Variants in ADAMTS3 observed in about 807,000 individuals in gnomAD.
ADAMTS3 encodes ADAM metallopeptidase with thrombospondin type 1 motif 3.
In ADAMTS3, 73 loss-of-function variants were observed where a neutral mutation model predicts 129.0. That is an observed-to-expected ratio of 0.57 (90% CI 0.47 to 0.69). ADAMTS3 has a LOEUF of 0.69. Ranked by LOEUF, ADAMTS3 falls within the 30% of genes least tolerant of loss-of-function variation. The probability of loss-of-function intolerance (pLI) is 0.00; values close to 1 mark genes in which losing one functional copy is unlikely to be tolerated. For synonymous variants in ADAMTS3, 477 were observed against 510.8 expected (o/e 0.93, Z 0.89); for missense variants, 1,457 against 1,514.5 (o/e 0.96, Z 0.63).
At chr4:72,462,949 G>A (rs1035547397) in intron 3 of ADAMTS3, among the ~76,000 whole-genome samples, 11 of 152,062 alleles carry the variant, frequency 7.2e-5, no homozygotes, top group Admixed American at 2.6e-4. Flanking sequence ...GGAGTGTACA[G>A]TAATGTTTTA....
intron 4 of ADAMTS3, among the ~76,000 whole-genome samples, chr4:72,391,212 T>C (rs2109893230): frequency 6.6e-6 from 1 of 152,362 alleles, no homozygotes; most frequent in Non-Finnish European, 1.5e-5. Context: ...CATCTTTTTG[T>C]GTAATTTGTG....
chr4:72,537,315 T>C (rs1040127812), intron 3 of ADAMTS3, among the ~76,000 whole-genome samples: 1 of 152,112 alleles, frequency 6.6e-6, no homozygotes, highest in African/African-American at 2.4e-5. Flanking sequence ...AGACAAAGAG[T>C]GATAGCCTTT....
intron 3 of ADAMTS3, among the ~76,000 whole-genome samples, chr4:72,505,338 G>T (rs1473551481): frequency 6.6e-6 from 1 of 152,060 alleles, no homozygotes; most frequent in East Asian, 1.9e-4. Context: ...TTTTGTCTTT[G>T]ACCCTATAGC....
chr4:72,512,715 G>T lies in ADAMTS3; in HGVS notation c.504+35763C>A, dbSNP rs151035668. Among the ~76,000 whole-genome samples the T allele has an allele frequency of 7.3e-4, 111 of 152,028 alleles. 1 individual carries two copies. In the East Asian group the frequency reaches 0.016, roughly 22 times the overall value. ...TGTATCAAAACATCTCATGCCCCCCGTAAATATATACACCTACTATGTACC... is the reference window on the plus strand; with the variant it reads ...TGTATCAAAACATCTCATGCCCCCCTTAAATATATACACCTACTATGTACC... On this transcript the variant is annotated intron_variant, in intron 3 of 21. Transcript: ENST00000286657.
At chr4:72,308,205 T>A (rs2109793028) in intron 15 of ADAMTS3, among the ~76,000 whole-genome samples, 1 of 152,108 alleles carries the variant, frequency 6.6e-6, no homozygotes, top group Non-Finnish European at 1.5e-5. Flanking sequence ...TTTGCTTTAA[T>A]AATGCAATCA....
chr4:72,530,608 ATATTATATAATATATAT>A (rs1276713489), intron 3 of ADAMTS3, among the ~76,000 whole-genome samples: 9 of 87,972 alleles, frequency 1.0e-4, no homozygotes, highest in African/African-American at 3.3e-4. Context: ...ATTAAAATAT[ATATTATATAATATATAT>A]TATTATATAA....
At chr4:72,410,162 T>G (rs547080315) in intron 4 of ADAMTS3, among the ~76,000 whole-genome samples, 1 of 152,226 alleles carries the variant, frequency 6.6e-6, no homozygotes, top group East Asian at 1.9e-4. Flanking sequence ...TATACTGACA[T>G]GTCTACAGAT....
chr4:72,514,974 A>T (rs565657733), intron 3 of ADAMTS3, among the ~76,000 whole-genome samples: 1 of 152,138 alleles, frequency 6.6e-6, no homozygotes, highest in Admixed American at 6.5e-5. Flanking sequence ...TCCTAATACT[A>T]TCCCTCCCCG....
chr4:72,344,171 G>C (rs1464197674), intron 4 of ADAMTS3, among the ~76,000 whole-genome samples: 1 of 152,060 alleles, frequency 6.6e-6, no homozygotes, highest in Non-Finnish European at 1.5e-5. Flanking sequence ...TATCAAATCA[G>C]AATTTTGAAC....
chr4:72,531,088 G>C (rs1721030213), intron 3 of ADAMTS3, among the ~76,000 whole-genome samples: 1 of 151,690 alleles, frequency 6.6e-6, no homozygotes, highest in African/African-American at 2.4e-5. Context: ...GAAAACACCA[G>C]TCAGGAGGTC....
rs530090293 is a variant in ADAMTS3 at position 72,462,699 on chromosome 4, A to C, written c.505-47728T>G. 2.2e-4 allele frequency among the ~76,000 whole-genome samples: 34 copies of C among 152,104 alleles called. No homozygotes were observed. The South Asian group carries it at 5.2e-3, about 23-fold the overall frequency. ...ATGTTCGTGTTTTAGTTTTTAATGAAATAGTTTAAACATGTTTTAAATTTA... is the reference window on the plus strand; with the variant it reads ...ATGTTCGTGTTTTAGTTTTTAATGACATAGTTTAAACATGTTTTAAATTTA... On this transcript the variant is annotated intron_variant, in intron 3 of 21. Transcript: ENST00000286657.
At chr4:72,534,633 C>G (rs1028657049) in intron 3 of ADAMTS3, among the ~76,000 whole-genome samples, 7 of 152,122 alleles carry the variant, frequency 4.6e-5, no homozygotes, top group Non-Finnish European at 1.0e-4. Context: ...GATCACTATA[C>G]AGTTTGGTTT....
At chr4:72,480,528 C>T (rs1037012437) in intron 3 of ADAMTS3, among the ~76,000 whole-genome samples, 3 of 151,626 alleles carry the variant, frequency 2.0e-5, no homozygotes, top group African/African-American at 7.3e-5. Flanking sequence ...GGGAACATAA[C>T]ACTCTGGGGA....
At chr4:72,349,389 TG>T (rs1477052770) in intron 4 of ADAMTS3, among the ~76,000 whole-genome samples, 1 of 151,954 alleles carries the variant, frequency 6.6e-6, no homozygotes, top group Non-Finnish European at 1.5e-5. Flanking sequence ...CATTTTTACA[TG>T]AAAAAAATGT....
chr4:72,413,155 C>A (rs939432624), intron 4 of ADAMTS3, among the ~76,000 whole-genome samples: 2 of 151,788 alleles, frequency 1.3e-5, no homozygotes, highest in Non-Finnish European at 2.9e-5. Flanking sequence ...GAAATAGATA[C>A]CTTCAGGAAT....
intron 4 of ADAMTS3, among the ~76,000 whole-genome samples, chr4:72,383,790 T>C (rs1356951728): frequency 6.6e-6 from 1 of 151,986 alleles, no homozygotes; most frequent in Non-Finnish European, 1.5e-5. Context: ...AATTCAAAAT[T>C]AGATACATAA....
chr4:72,372,335 T>C lies in ADAMTS3; in HGVS notation c.662-32642A>G, dbSNP rs778541457. On this transcript the variant is annotated intron_variant, in intron 4 of 21. Transcript: ENST00000286657. Reference sequence around the variant, plus strand: ...GAAGAATAATACTATATTAGATGACTTCTATAAAGATTGATGAGAAATAAG... The same window carrying C: ...GAAGAATAATACTATATTAGATGACCTCTATAAAGATTGATGAGAAATAAG... Among the ~76,000 whole-genome samples, 47 of 152,128 alleles carry C rather than the reference T, an allele frequency of 3.1e-4. 2 individuals carry two copies. Among genetic ancestry groups the C allele is most frequent in the Admixed American group, 3.9e-4 (6 of 15,274 alleles).
At chr4:72,447,104 C>T (rs773243040) in intron 3 of ADAMTS3, among the ~76,000 whole-genome samples, 1 of 151,716 alleles carries the variant, frequency 6.6e-6, no homozygotes, top group South Asian at 2.1e-4. Context: ...AGTTCCACTC[C>T]TATCAATAGG....
chr4:72,366,564 T>C (rs1405562491), intron 4 of ADAMTS3, among the ~76,000 whole-genome samples: 1 of 152,188 alleles, frequency 6.6e-6, no homozygotes, highest in Non-Finnish European at 1.5e-5. Flanking sequence ...ACATTTAACA[T>C]ACGCTGTTAT....
Sources: gnomAD v4.1 joint callset for allele counts (sites outside exome capture counted in the v4.1 genomes callset) on GRCh38, gnomAD v4.1.1 for gene constraint, MANE v1.5 for transcripts, NCBI Gene and HGNC (gene_info 2026-07-23, HGNC 2026-07-21) for gene names.